Variants in SLC26A7 observed in about 807,000 individuals in gnomAD.
The protein encoded by SLC26A7 is anion exchange transporter.
SLC26A7 carries 59 observed loss-of-function variants against 82.5 expected under a neutral mutation model. The observed-to-expected ratio is 0.72, with a 90% confidence interval of 0.58 to 0.89. The LOEUF is 0.89. Among genes scored for constraint, SLC26A7 ranks in the 40% least tolerant of loss-of-function variants. SLC26A7 has a pLI of 0.00. For missense variants in SLC26A7, 820 were observed against 793.0 expected, an observed-to-expected ratio of 1.03 and a Z score of -0.41; for synonymous variants, 271 against 274.3, an observed-to-expected ratio of 0.99 and a Z score of 0.12.
chr8:91,382,979 G>T (rs1814706431), intron 15 of SLC26A7, among the ~76,000 whole-genome samples: 1 of 152,156 alleles, frequency 6.6e-6, no homozygotes, highest in East Asian at 1.9e-4. Flanking sequence ...GTTAGGGGTA[G>T]TAGAGGCAGG....
chr8:91,325,343 C>G (rs1419072020), intron 5 of SLC26A7, among the ~76,000 whole-genome samples: 1 of 152,120 alleles, frequency 6.6e-6, no homozygotes, highest in African/African-American at 2.4e-5. Flanking sequence ...TAAACAGTTT[C>G]CCCATTCTTT....
intron 2 of SLC26A7, among the ~76,000 whole-genome samples, chr8:91,261,195 T>C (rs938499516): frequency 2.0e-5 from 3 of 152,136 alleles, no homozygotes; most frequent in Admixed American, 6.6e-5. Flanking sequence ...GCTAGGATTC[T>C]TTATTCATTT....
intron 2 of SLC26A7, 39 bp from the exon 3 acceptor site, chr8:91,289,097 G>T (rs1300119326): frequency 1.5e-6 from 2 of 1,315,998 alleles, no homozygotes; most frequent in Non-Finnish European, 2.2e-6. Context: ...GTGTCTTGGG[G>T]TTATAAGGTG....
chr8:91,360,427 G>A lies in SLC26A7; in HGVS notation c.1315-1926G>A, dbSNP rs186347180. Reference sequence around the variant, plus strand: ...TGATAACTGTGACAACTAGCATTTGGGTCTTTAACAGGAATTATTACAGAA... The same window carrying A: ...TGATAACTGTGACAACTAGCATTTGAGTCTTTAACAGGAATTATTACAGAA... On this transcript the variant is annotated intron_variant, in intron 11 of 18. Coordinates refer to ENST00000276609, the MANE Select transcript of SLC26A7 (RefSeq NM_052832.4). Among the ~76,000 whole-genome samples the A allele has an allele frequency of 1.4e-3, 216 of 152,132 alleles. 1 individual carries two copies. Among genetic ancestry groups the A allele is most frequent in the Middle Eastern group, 6.8e-3 (2 of 292 alleles).
intron 15 of SLC26A7, among the ~76,000 whole-genome samples, chr8:91,388,572 C>T (rs1814866924): frequency 6.6e-6 from 1 of 152,032 alleles, no homozygotes; most frequent in Non-Finnish European, 1.5e-5. Context: ...TAGACTTTGC[C>T]TACAGTGGTG....
At chr8:91,260,910 T>C (rs1003285426) in intron 2 of SLC26A7, among the ~76,000 whole-genome samples, 3 of 152,120 alleles carry the variant, frequency 2.0e-5, no homozygotes, top group African/African-American at 7.2e-5. Context: ...TAGAAATTTG[T>C]TTTCACACAA....
intron 5 of SLC26A7, among the ~76,000 whole-genome samples, chr8:91,332,645 A>C (rs1813126330): frequency 6.6e-6 from 1 of 151,064 alleles, no homozygotes; most frequent in Non-Finnish European, 1.5e-5. Flanking sequence ...CCCCACCGCC[A>C]GCAGTCTCTT....
chr8:91,268,107 G>C (rs562882655), intron 2 of SLC26A7, among the ~76,000 whole-genome samples: 2 of 151,832 alleles, frequency 1.3e-5, no homozygotes, highest in East Asian at 3.9e-4. Flanking sequence ...GGTCAGAAAA[G>C]GTACTTGATA....
intron 2 of SLC26A7, among the ~76,000 whole-genome samples, chr8:91,267,167 C>T (rs1040096723): frequency 3.3e-5 from 5 of 151,396 alleles, no homozygotes; most frequent in South Asian, 2.1e-4. Flanking sequence ...GAGGATTTTT[C>T]GTACTTAACT....
chr8:91,261,740 C>A lies in SLC26A7; in HGVS notation c.193+11896C>A, dbSNP rs1017875952. 3.3e-5 allele frequency among the ~76,000 whole-genome samples: 5 copies of A among 152,086 alleles called. No homozygotes were observed. The East Asian group carries it at 7.7e-4, about 23-fold the overall frequency. On this transcript the variant is annotated intron_variant, in intron 2 of 18. Coordinates refer to ENST00000276609, the MANE Select transcript of SLC26A7 (RefSeq NM_052832.4). ...CACACAGGTAACATCTAGGGAAGGG[C>A]AACCATTGTCCCACTTAATCAGCTG...
chr8:91,302,517 G>A (rs937574670), intron 4 of SLC26A7, among the ~76,000 whole-genome samples: 7 of 152,042 alleles, frequency 4.6e-5, no homozygotes, highest in Non-Finnish European at 8.8e-5. Context: ...TAATGTGATA[G>A]TTTCTGTGTT....
chr8:91,225,708 T>C (rs1313725141), intron 2 of SLC26A7, among the ~76,000 whole-genome samples: 1 of 146,530 alleles, frequency 6.8e-6, no homozygotes, highest in Non-Finnish European at 1.5e-5. Flanking sequence ...AGCTACAATG[T>C]ATTTGCTGTC....
chr8:91,267,732 T>A (rs1318684093), intron 2 of SLC26A7, among the ~76,000 whole-genome samples: 3 of 151,828 alleles, frequency 2.0e-5, no homozygotes. Flanking sequence ...ATCTTTCATA[T>A]TTTAAAAAAT....
intron 5 of SLC26A7, among the ~76,000 whole-genome samples, chr8:91,327,173 A>G (rs74813444): frequency 1.3e-5 from 2 of 152,112 alleles, no homozygotes; most frequent in African/African-American, 2.4e-5. Context: ...CCAACCATGT[A>G]TGGTGAGGAG....
intron 5 of SLC26A7, among the ~76,000 whole-genome samples, chr8:91,331,545 GCAAACAATAGAGCAGTTCAAAAGTGT>G (rs961535310): frequency 1.3e-5 from 2 of 152,004 alleles, no homozygotes; most frequent in African/African-American, 4.8e-5. Flanking sequence ...AATTGCTAAG[GCAAACAATAGAGCAGTTCAAAAGTGT>G]TTATTTTTCA....
intron 2 of SLC26A7, among the ~76,000 whole-genome samples, chr8:91,255,031 G>T (rs1021617117): frequency 6.6e-6 from 1 of 152,086 alleles, no homozygotes; most frequent in Admixed American, 6.6e-5. Context: ...ATGACCATCT[G>T]GGGGAAAGAG....
chr8:91,320,356 T>G (rs1812757940), intron 5 of SLC26A7, among the ~76,000 whole-genome samples: 1 of 152,216 alleles, frequency 6.6e-6, no homozygotes, highest in African/African-American at 2.4e-5. Flanking sequence ...AAATTCACAT[T>G]ACTCAGTTGA....
At chr8:91,318,066 T>C (rs1045128969) in intron 4 of SLC26A7, 150 bp from the exon 5 acceptor site, 4 of 467,804 alleles carry the variant, frequency 8.6e-6, no homozygotes, top group Non-Finnish European at 1.4e-5. Flanking sequence ...AAACCCAAGA[T>C]ATTGTATATA....
At chr8:91,272,962 A>G (rs1216694026) in intron 2 of SLC26A7, among the ~76,000 whole-genome samples, 1 of 152,210 alleles carries the variant, frequency 6.6e-6, no homozygotes, top group Non-Finnish European at 1.5e-5. Context: ...CAGTAGGAAT[A>G]GAAAAGAGGG....
Sources: gnomAD v4.1 joint callset for allele counts (sites outside exome capture counted in the v4.1 genomes callset) on GRCh38, gnomAD v4.1.1 for gene constraint, MANE v1.5 for transcripts, NCBI Gene and HGNC (gene_info 2026-07-23, HGNC 2026-07-21) for gene names.